The following TNS3 variants were observed in gnomAD, a reference collection of about 807,000 sequenced individuals.
TNS3 encodes tensin-3.
In TNS3, 45 loss-of-function variants were observed where a neutral mutation model predicts 140.9. That is an observed-to-expected ratio of 0.32 (90% CI 0.25 to 0.41). The LOEUF (loss-of-function observed/expected upper bound fraction) is 0.41, where lower values mean the gene tolerates loss of function less well. Among genes scored for constraint, TNS3 ranks in the 10% least tolerant of loss-of-function variants. TNS3 has a pLI of 1.00. For synonymous variants in TNS3, 815 were observed against 788.4 expected (o/e 1.03, Z -0.56); for missense variants, 1,716 against 1,906.7 (o/e 0.90, Z 1.86).
intron 4 of TNS3, among the ~76,000 whole-genome samples, chr7:47,464,034 C>G (rs1796599886): frequency 6.6e-6 from 1 of 152,200 alleles, no homozygotes; most frequent in Non-Finnish European, 1.5e-5. Flanking sequence ...TAATTTTTAT[C>G]TACCTGACTC....
chr7:47,532,014 G>GC (rs1399964066), intron 1 of TNS3, among the ~76,000 whole-genome samples: 1 of 152,184 alleles, frequency 6.6e-6, no homozygotes, highest in Non-Finnish European at 1.5e-5. Context: ...ACCCTCCCAG[G>GC]CACAGCACCC....
At chr7:47,522,914 C>T (rs1343932630) in intron 2 of TNS3, among the ~76,000 whole-genome samples, 5 of 139,596 alleles carry the variant, frequency 3.6e-5, no homozygotes, top group African/African-American at 5.2e-5. Context: ...GGTGACAGAG[C>T]GAGACTCCAT....
At chr7:47,417,394 A>C (rs1028794934) in intron 10 of TNS3, among the ~76,000 whole-genome samples, 9 of 152,244 alleles carry the variant, frequency 5.9e-5, no homozygotes, top group African/African-American at 2.2e-4. Context: ...AGCTGACAGC[A>C]GAAGAACTTT....
At chr7:47,480,817 A>G (rs1797386323) in intron 4 of TNS3, among the ~76,000 whole-genome samples, 1 of 152,212 alleles carries the variant, frequency 6.6e-6, no homozygotes, top group Non-Finnish European at 1.5e-5. Context: ...TTTATAGCCA[A>G]GGAAACTCGG....
At chr7:47,556,853 G>A (rs1353553178) in intron 1 of TNS3, among the ~76,000 whole-genome samples, 1 of 152,176 alleles carries the variant, frequency 6.6e-6, no homozygotes, top group East Asian at 1.9e-4. Context: ...TTGGTACAGT[G>A]AGCATGGCAT....
intron 15 of TNS3, among the ~76,000 whole-genome samples, chr7:47,397,781 G>A (rs944679058): frequency 2.6e-5 from 4 of 152,062 alleles, no homozygotes; most frequent in Non-Finnish European, 4.4e-5. Context: ...AGGAACTAGA[G>A]AAGCAAGAAT....
In TNS3 at chr7:47,564,193, CAAA is replaced by C. The variant is rs57005793; in HGVS notation, c.-265+17855_-265+17857del. 1.1e-3 allele frequency among the ~76,000 whole-genome samples: 108 copies of C among 97,926 alleles called. 1 individual carries two copies. In the East Asian group the frequency reaches 0.026, roughly 24 times the overall value. The allele number at this position is 97,926 out of a possible 152,430, so 64.2% of individuals were successfully genotyped here. A position where few individuals can be genotyped will look rare whatever the true frequency, so the allele number is the denominator to read the frequency against. On this transcript the variant is annotated intron_variant, in intron 1 of 30. Transcript: ENST00000311160. ...TGGGTGACAGAGCGAGACTCTGTCT[CAAA>C]AAAAAAAAAAAAAAAAACCATTTAA...
intron 20 of TNS3, among the ~76,000 whole-genome samples, chr7:47,317,290 G>C (rs1015965813): frequency 5.9e-5 from 9 of 152,122 alleles, no homozygotes; most frequent in Non-Finnish European, 2.9e-5. Context: ...ATCACAATTG[G>C]AATTATCCCC....
intron 4 of TNS3, among the ~76,000 whole-genome samples, chr7:47,458,865 C>T (rs1174649884): frequency 6.6e-6 from 1 of 152,188 alleles, no homozygotes; most frequent in Admixed American, 6.5e-5. Context: ...ATAAAAGTTA[C>T]TTGGTTATAG....
chr7:47,303,317 G>A lies in TNS3; in HGVS notation c.3090C>T (p.Gly1030=), dbSNP rs1786529264. The part of the protein sequence containing the change: ...LGFGTAPVGS[G]LPPEEDLGAL... Reference sequence around the variant, plus strand: ...CCCCCAGGTCCTCCTCGGGCGGAAGGCCACTTCCCACTGGGGCGGTGCCGA... The same window carrying A: ...CCCCCAGGTCCTCCTCGGGCGGAAGACCACTTCCCACTGGGGCGGTGCCGA... The change falls in exon 22 of 31, where the codon GGC becomes GGT. Residue 1030 remains glycine, a synonymous_variant. Transcript: ENST00000311160. 1 of 1,613,502 alleles carries A rather than the reference G, an allele frequency of 6.2e-7. No individual in the cohort carries two copies. The highest frequency in any genetic ancestry group is 8.5e-7 in the Non-Finnish European group (1 of 1,179,842).
chr7:47,539,068 C>T, intron 1 of TNS3: 3 of 456,686 alleles, frequency 6.6e-6, no homozygotes, highest in South Asian at 4.6e-5. Context: ...TCTACCACCG[C>T]CCTTACCATG....
intron 20 of TNS3, among the ~76,000 whole-genome samples, chr7:47,329,908 C>T (rs1788240270): frequency 6.6e-6 from 1 of 152,160 alleles, no homozygotes; most frequent in Admixed American, 6.5e-5. Flanking sequence ...GGGCATGCTG[C>T]TTCTGTGCCC....
At chr7:47,483,040 C>T (rs373797838) in intron 3 of TNS3, among the ~76,000 whole-genome samples, 10 of 152,262 alleles carry the variant, frequency 6.6e-5, no homozygotes, top group African/African-American at 2.4e-4. Context: ...TGTACAACAC[C>T]AGGAGAGAAT....
intron 20 of TNS3, among the ~76,000 whole-genome samples, chr7:47,316,094 TTCTCTCTCTC>T (rs56939479): frequency 0.13 from 13,347 of 105,772 alleles, 628 homozygotes; most frequent in Admixed American, 0.16. Context: ...AACTAACTAT[TTCTCTCTCTC>T]TCTCTCTCTC....
intron 1 of TNS3, among the ~76,000 whole-genome samples, chr7:47,545,496 T>C (rs908952288): frequency 6.6e-6 from 1 of 152,154 alleles, no homozygotes; most frequent in African/African-American, 2.4e-5. Flanking sequence ...CTAGGAAGTT[T>C]AACAACCTGC....
At chr7:47,564,212 A>AAC (rs1412544126) in intron 1 of TNS3, among the ~76,000 whole-genome samples, 23 of 150,686 alleles carry the variant, frequency 1.5e-4, no homozygotes, top group Non-Finnish European at 3.1e-4. Flanking sequence ...AAAAAAAAAA[A>AAC]ACCATTTAAA....
chr7:47,489,141 C>G (rs1797717897), intron 3 of TNS3, among the ~76,000 whole-genome samples: 1 of 152,190 alleles, frequency 6.6e-6, no homozygotes, highest in Non-Finnish European at 1.5e-5. Flanking sequence ...TTAGCCTGCT[C>G]TAATCCCCAT....
chr7:47,499,655 C>A (rs911826084), intron 3 of TNS3, among the ~76,000 whole-genome samples: 2 of 152,224 alleles, frequency 1.3e-5, no homozygotes, highest in African/African-American at 4.8e-5. Flanking sequence ...CTATGGCATT[C>A]TGGAAAAGGC....
At position 47,551,945 on chromosome 7, in the gene TNS3, C is replaced by T. The variant is rs566629139; in HGVS notation, c.-264-22798G>A. Among the ~76,000 whole-genome samples, 27 of 152,126 alleles carry T rather than the reference C, an allele frequency of 1.8e-4. No homozygotes were observed. The East Asian group carries it at 4.8e-3, about 27-fold the overall frequency. On this transcript the variant is annotated intron_variant, in intron 1 of 30. Transcript: ENST00000311160. ...TACAAAACCGTGTGTCCACCGGGAG[C>T]GATCCTTGGCCTCTCTGCAAATGCA...
Sources: gnomAD v4.1 joint callset for allele counts (sites outside exome capture counted in the v4.1 genomes callset) on GRCh38, gnomAD v4.1.1 for gene constraint, MANE v1.5 for transcripts, NCBI Gene and HGNC (gene_info 2026-07-23, HGNC 2026-07-21) for gene names.